The following MYO3B variants were observed in gnomAD, a reference collection of about 807,000 sequenced individuals.
MYO3B encodes the protein myosin IIIB, also known as myosin-IIIb.
In MYO3B, 156 loss-of-function variants were observed where a neutral mutation model predicts 174.6. The ratio of observed to expected loss-of-function variants is 0.89; its 90% CI spans 0.78 to 1.02. The LOEUF is 1.02. Among genes scored for constraint, MYO3B ranks in the 50% least tolerant of loss-of-function variants. The pLI is 0.00. For synonymous variants in MYO3B, 563 were observed against 569.1 expected (o/e 0.99, Z 0.15); for missense variants, 1,632 against 1,639.4 (o/e 1.00, Z 0.08).
intron 25 of MYO3B, among the ~76,000 whole-genome samples, chr2:170,491,930 T>A (rs1686510242): frequency 6.6e-6 from 1 of 152,074 alleles, no homozygotes; most frequent in Non-Finnish European, 1.5e-5. Flanking sequence ...GGCGCATGCC[T>A]GCAATCCCAG....
chr2:170,231,552 A>G (rs1423611665), intron 6 of MYO3B, among the ~76,000 whole-genome samples: 2 of 152,230 alleles, frequency 1.3e-5, no homozygotes, highest in African/African-American at 4.8e-5. Context: ...TAACTGTACC[A>G]GAAGAGCCGT....
intron 7 of MYO3B, among the ~76,000 whole-genome samples, chr2:170,315,456 C>T (rs1258052615): frequency 2.0e-5 from 3 of 151,470 alleles, no homozygotes; most frequent in African/African-American, 4.9e-5. Flanking sequence ...CAGGCATGCA[C>T]CACCACACCT....
chr2:170,182,718 TCTC>T (rs1223258355), intron 1 of MYO3B, among the ~76,000 whole-genome samples: 1 of 151,656 alleles, frequency 6.6e-6, no homozygotes, highest in African/African-American at 2.4e-5. Context: ...TTTATGTTAT[TCTC>T]CTGCCTCAGC....
chr2:170,548,754 T>G (rs1390043799), intron 32 of MYO3B, among the ~76,000 whole-genome samples: 1 of 152,214 alleles, frequency 6.6e-6, no homozygotes, highest in Non-Finnish European at 1.5e-5. Flanking sequence ...GTTATCACAT[T>G]GGGCTGTAAT....
chr2:170,645,165 C>G (rs1698266669), intron 32 of MYO3B, among the ~76,000 whole-genome samples: 1 of 152,110 alleles, frequency 6.6e-6, no homozygotes, highest in African/African-American at 2.4e-5. Context: ...AAAGTAAAAA[C>G]TCACATTCTA....
rs531727228 is a variant in MYO3B at position 170,523,430 on chromosome 2, A to T, written c.3575+3890A>T. Among the ~76,000 whole-genome samples the T allele has an allele frequency of 4.3e-5, 6 of 140,982 alleles. No homozygotes were observed. In the South Asian group the frequency reaches 1.6e-3, roughly 37 times the overall value. The allele number at this position is 140,982 out of a possible 152,430, so 92.5% of individuals were successfully genotyped here. On this transcript the variant is annotated intron_variant, in intron 30 of 34. Coordinates refer to ENST00000408978, the MANE Select transcript of MYO3B (RefSeq NM_138995.5). Reference sequence around the variant, plus strand: ...GTGTTCTGTGAATCAACAAGGGCTGATAGGAAGGAGTTTTTGGGCAGAGGG... The same window carrying T: ...GTGTTCTGTGAATCAACAAGGGCTGTTAGGAAGGAGTTTTTGGGCAGAGGG...
chr2:170,496,906 G>A (rs930906348), intron 25 of MYO3B, among the ~76,000 whole-genome samples: 1 of 152,084 alleles, frequency 6.6e-6, no homozygotes, highest in Non-Finnish European at 1.5e-5. Context: ...GGGATTATAG[G>A]AATGAGCCAC....
intron 7 of MYO3B, among the ~76,000 whole-genome samples, chr2:170,330,114 C>T (rs2093901543): frequency 6.6e-6 from 1 of 152,132 alleles, no homozygotes. Flanking sequence ...CCCTAGTTAG[C>T]TGATTTATGT....
chr2:170,402,209 ATAAC>A (rs775515577), intron 18 of MYO3B, among the ~76,000 whole-genome samples: 74 of 152,346 alleles, frequency 4.9e-4, no homozygotes, highest in Non-Finnish European at 8.5e-4. Context: ...TAGGATGTGA[ATAAC>A]TAACTCCCAT....
chr2:170,419,533 G>C (rs2094602042), intron 22 of MYO3B, among the ~76,000 whole-genome samples: 1 of 152,152 alleles, frequency 6.6e-6, no homozygotes, highest in Non-Finnish European at 1.5e-5. Flanking sequence ...GGGTTATTAG[G>C]GCTCCAACAT....
intron 22 of MYO3B, among the ~76,000 whole-genome samples, chr2:170,441,247 A>G (rs961151400): frequency 6.6e-6 from 1 of 152,222 alleles, no homozygotes; most frequent in African/African-American, 2.4e-5. Flanking sequence ...TCTGATGTGG[A>G]TGCCTTTCAT....
At chr2:170,645,927 T>C (rs370903567) in intron 32 of MYO3B, among the ~76,000 whole-genome samples, 4 of 152,336 alleles carry the variant, frequency 2.6e-5, no homozygotes, top group East Asian at 3.9e-4. Context: ...TCTGAGTTAA[T>C]TTCTTCTCGA....
In MYO3B at chr2:170,200,157, A is replaced by G. The variant is rs1399044377; in HGVS notation, c.194A>G (p.Asp65Gly). The change falls in exon 3 of 35, where the codon GAT becomes GGT. Residue 65 changes from aspartate (D) to glycine (G), a missense_variant. Asp to Gly is a moderately conservative substitution (Grantham distance 94). Transcript: ENST00000408978. ...VKILDPVSDMDEEIEAEYNIL... is the reference protein window; with the variant it reads ...VKILDPVSDMGEEIEAEYNIL... ...TTTTTCTACCCTGTTTAGGATATGG[A>G]TGAAGAAATTGAGGCAGAATACAAC... 2 of 1,612,516 alleles carry G rather than the reference A, an allele frequency of 1.2e-6. No individual in the cohort carries two copies. Among genetic ancestry groups the G allele is most frequent in the South Asian group, 2.2e-5 (2 of 90,832 alleles).
At chr2:170,204,173 T>C (rs1210441646) in intron 3 of MYO3B, among the ~76,000 whole-genome samples, 1 of 152,126 alleles carries the variant, frequency 6.6e-6, no homozygotes, top group African/African-American at 2.4e-5. Context: ...ACATGATTCG[T>C]CCAACACCAG....
At chr2:170,646,660 T>G (rs1476558709) in intron 32 of MYO3B, among the ~76,000 whole-genome samples, 1 of 152,170 alleles carries the variant, frequency 6.6e-6, no homozygotes, top group Non-Finnish European at 1.5e-5. Flanking sequence ...CCTCCCAAAG[T>G]GTTGGGATTA....
intron 22 of MYO3B, among the ~76,000 whole-genome samples, chr2:170,419,408 C>T (rs1010077823): frequency 1.3e-5 from 2 of 152,182 alleles, no homozygotes; most frequent in Admixed American, 1.3e-4. Context: ...CCATGGCTTA[C>T]TAATAAGGAC....
intron 30 of MYO3B, chr2:170,524,472 C>T (rs1488713551): frequency 9.2e-6 from 4 of 437,126 alleles, no homozygotes; most frequent in African/African-American, 6.2e-5. Flanking sequence ...TTCCTGGGCA[C>T]TGTGCTAAGT....
In MYO3B at chr2:170,197,860, G is replaced by A. The variant is rs2092617607; in HGVS notation, c.3-1348G>A. ...TGTTATTGAAAGAAGGGTAGATGGT[G>A]TACAATCACCTTGAAAAAAGTATCA... On this transcript the variant is annotated intron_variant, in intron 1 of 34. Transcript: ENST00000408978. Among the ~76,000 whole-genome samples the A allele has an allele frequency of 2.6e-5, 4 of 152,248 alleles. No individual in the cohort carries two copies. The South Asian group carries it at 8.3e-4, about 32-fold the overall frequency.
chr2:170,322,102 G>A (rs1300588402), intron 7 of MYO3B, among the ~76,000 whole-genome samples: 4 of 132,436 alleles, frequency 3.0e-5, no homozygotes, highest in African/African-American at 1.2e-4. Context: ...GAAAGAGCGA[G>A]ACTCCGTCTC....
Sources: gnomAD v4.1 joint callset for allele counts (sites outside exome capture counted in the v4.1 genomes callset) on GRCh38, gnomAD v4.1.1 for gene constraint, MANE v1.5 for transcripts, NCBI Gene and HGNC (gene_info 2026-07-23, HGNC 2026-07-21) for gene names.